The following FER1L6 variants were observed in gnomAD, a reference collection of about 807,000 sequenced individuals.
FER1L6 encodes fer-1-like protein 6.
A neutral mutation model predicts 219.2 loss-of-function variants in FER1L6; 177 were observed. That is an observed-to-expected ratio of 0.81 (90% CI 0.71 to 0.91). The LOEUF (loss-of-function observed/expected upper bound fraction) is 0.91, where lower values mean the gene tolerates loss of function less well. Ranked by LOEUF, FER1L6 falls within the 40% of genes least tolerant of loss-of-function variation. The probability of loss-of-function intolerance (pLI) is 0.00; values close to 1 mark genes in which losing one functional copy is unlikely to be tolerated. For missense variants in FER1L6, 2,153 were observed against 2,259.9 expected (o/e 0.95, Z 0.96); for synonymous variants, 768 against 824.3 (o/e 0.93, Z 1.17).
intron 1 of FER1L6, among the ~76,000 whole-genome samples, chr8:123,946,542 C>T (rs533371060): frequency 6.6e-5 from 10 of 152,324 alleles, no homozygotes; most frequent in African/African-American, 9.6e-5. Context: ...GTGTGAGCCA[C>T]GGTGCCCGGG....
At chr8:124,062,633 G>A (rs926086840) in intron 25 of FER1L6, among the ~76,000 whole-genome samples, 5 of 151,792 alleles carry the variant, frequency 3.3e-5, no homozygotes, top group South Asian at 4.2e-4. Flanking sequence ...ACTATTACTC[G>A]CTGCATCTAC....
intron 5 of FER1L6, among the ~76,000 whole-genome samples, chr8:123,968,770 T>C (rs1307865714): frequency 2.0e-5 from 3 of 152,242 alleles, no homozygotes; most frequent in African/African-American, 7.2e-5. Context: ...TGAGGATCTC[T>C]TATAATGTAT....
intron 16 of FER1L6, among the ~76,000 whole-genome samples, chr8:124,018,585 C>T (rs899687961): frequency 6.6e-6 from 1 of 152,192 alleles, no homozygotes; most frequent in South Asian, 2.1e-4. Flanking sequence ...GCTATCTCTG[C>T]AGCTTCCCTC....
At chr8:123,994,028 T>G (rs1816998778) in intron 12 of FER1L6, among the ~76,000 whole-genome samples, 1 of 152,360 alleles carries the variant, frequency 6.6e-6, no homozygotes, top group African/African-American at 2.4e-5. Flanking sequence ...GTTAAGGCCA[T>G]GCACAAGTTT....
chr8:123,937,095 G>A (rs1260890618), intron 1 of FER1L6, among the ~76,000 whole-genome samples: 2 of 151,998 alleles, frequency 1.3e-5, no homozygotes, highest in African/African-American at 2.4e-5. Context: ...TAGTAGAGGC[G>A]GGGTTTCACC....
At chr8:124,090,894 A>C (rs1405087016) in intron 33 of FER1L6, among the ~76,000 whole-genome samples, 3 of 152,194 alleles carry the variant, frequency 2.0e-5, no homozygotes, top group Non-Finnish European at 4.4e-5. Flanking sequence ...GAAACTTGGA[A>C]TAAGCAGCAG....
chr8:124,115,927 TATA>T (rs1341265518), intron 39 of FER1L6, among the ~76,000 whole-genome samples: 1 of 152,224 alleles, frequency 6.6e-6, no homozygotes, highest in African/African-American at 2.4e-5. Context: ...CATGCTATGC[TATA>T]ATATTAAGCT....
intron 1 of FER1L6, among the ~76,000 whole-genome samples, chr8:123,854,018 T>C (rs1447444628): frequency 6.6e-6 from 1 of 152,268 alleles, no homozygotes; most frequent in Non-Finnish European, 1.5e-5. Context: ...TGCTGGCCCT[T>C]CAGTAAAGGC....
intron 12 of FER1L6, among the ~76,000 whole-genome samples, chr8:124,002,956 T>C (rs940471130): frequency 2.6e-5 from 4 of 152,166 alleles, no homozygotes; most frequent in African/African-American, 9.7e-5. Flanking sequence ...TTGTCATTTG[T>C]GTAGTTATTA....
At chr8:123,873,544 TTCTC>T (rs1218010294) in intron 1 of FER1L6, among the ~76,000 whole-genome samples, 1 of 151,518 alleles carries the variant, frequency 6.6e-6, no homozygotes, top group African/African-American at 2.4e-5. Context: ...CTTTAAGCCA[TTCTC>T]TCTCTCTCTC....
rs751637934 is a variant in FER1L6, at chr8:123,977,537, A to G, written c.991A>G (p.Met331Val). 5 of 1,614,158 alleles carry G rather than the reference A, an allele frequency of 3.1e-6. No individual in the cohort carries two copies. The Admixed American group carries it at 8.3e-5, about 27-fold the overall frequency. Reference protein sequence around the residue: ...VKIQVWDEGSMNDVALATHFI... With the variant: ...VKIQVWDEGSVNDVALATHFI... ...AATCCAGGTGTGGGATGAAGGCAGCATGAATGACGTAGCCCTGGCAACCCA... is the reference window on the plus strand; with the variant it reads ...AATCCAGGTGTGGGATGAAGGCAGCGTGAATGACGTAGCCCTGGCAACCCA... The change falls in exon 10 of 41, where the codon ATG (methionine) becomes GTG (valine). Residue 331 changes from methionine (M) to valine (V), a missense_variant. Met to Val is a conservative substitution (Grantham distance 21, BLOSUM62 1). Coordinates refer to ENST00000522917, the MANE Select transcript of FER1L6 (RefSeq NM_001039112.2).
intron 1 of FER1L6, among the ~76,000 whole-genome samples, chr8:123,908,700 G>A (rs1273242140): frequency 2.0e-5 from 3 of 152,328 alleles, no homozygotes; most frequent in Non-Finnish European, 4.4e-5. Context: ...ACCTAGTGGA[G>A]GAGATAGACT....
rs376154841 is a variant in FER1L6, at chr8:124,023,516, G to A, written c.2206G>A (p.Ala736Thr). The change falls in exon 18 of 41, where the codon GCC becomes ACC. Residue 736 changes from alanine to threonine, a missense_variant. Physicochemically the swap from Ala to Thr is moderately conservative, Grantham distance 58 (BLOSUM62 0). Transcript: ENST00000522917. ...NNRRVAYARI[A>T]SKDLLYSPVA... The stretch of plus-strand genomic sequence containing the variant: ...CAGGAGAGTGGCCTATGCCCGCATC[G>A]CCTCCAAAGACCTCCTCTATTCCCC... The A allele has an allele frequency of 5.4e-5, 87 of 1,614,020 alleles. No individual in the cohort carries two copies. The Middle Eastern group carries it at 6.6e-4, about 12-fold the overall frequency.
At chr8:123,968,954 C>A (rs1016893096) in intron 5 of FER1L6, among the ~76,000 whole-genome samples, 1 of 152,190 alleles carries the variant, frequency 6.6e-6, no homozygotes, top group Non-Finnish European at 1.5e-5. Context: ...CCCAGGCCTG[C>A]CTTCCTGGTC....
At chr8:123,865,623 A>C (rs932869068) in intron 1 of FER1L6, among the ~76,000 whole-genome samples, 8 of 151,238 alleles carry the variant, frequency 5.3e-5, no homozygotes, top group Admixed American at 3.3e-4. Flanking sequence ...CTGTGCTAGC[A>C]ATCAGCGAGA....
chr8:123,999,738 A>G (rs1300063009), intron 12 of FER1L6, among the ~76,000 whole-genome samples: 1 of 152,072 alleles, frequency 6.6e-6, no homozygotes, highest in East Asian at 1.9e-4. Flanking sequence ...GGATCTTACA[A>G]CTCTGTGTGG....
In FER1L6 at chr8:123,880,271, G is replaced by A. The variant is rs542062530; in HGVS notation, c.-8+28086G>A. ...ATCGACCAACAGACAGACCAACCGA[G>A]CCTTCTTCTAACTCCCACTGTATTT... On this transcript the variant is annotated intron_variant, in intron 1 of 40. Transcript: ENST00000522917. Among the ~76,000 whole-genome samples the A allele has an allele frequency of 3.3e-5, 5 of 152,112 alleles. No individual in the cohort carries two copies. In the South Asian group the frequency reaches 1.0e-3, roughly 32 times the overall value.
In FER1L6 at chr8:124,076,096, C is replaced by G. The variant is rs1236806298; in HGVS notation, c.4093-102C>G. 11 of 1,441,490 alleles carry G rather than the reference C, an allele frequency of 7.6e-6. No individual in the cohort carries two copies. In the Admixed American group the frequency reaches 2.1e-4, roughly 27 times the overall value. 89.3% of individuals were successfully genotyped at this position (1,441,490 alleles called of 1,614,324 possible). A position where few individuals can be genotyped will look rare whatever the true frequency, so the allele number is the denominator to read the frequency against. ...CCCGTTAAATCAGACTATCTAGAGACAGAAGTCAGGCATTAGCATTTTTGA... is the reference window on the plus strand; with the variant it reads ...CCCGTTAAATCAGACTATCTAGAGAGAGAAGTCAGGCATTAGCATTTTTGA... On this transcript the variant is annotated intron_variant, in intron 31 of 40. Coordinates refer to ENST00000522917, the MANE Select transcript of FER1L6 (RefSeq NM_001039112.2).
At chr8:123,908,936 C>T (rs1357072917) in intron 1 of FER1L6, among the ~76,000 whole-genome samples, 1 of 152,170 alleles carries the variant, frequency 6.6e-6, no homozygotes, top group Admixed American at 6.6e-5. Flanking sequence ...TCAAGCGTAT[C>T]ACTATTATGA....
Sources: gnomAD v4.1 joint callset for allele counts (sites outside exome capture counted in the v4.1 genomes callset) on GRCh38, gnomAD v4.1.1 for gene constraint, MANE v1.5 for transcripts, NCBI Gene and HGNC (gene_info 2026-07-23, HGNC 2026-07-21) for gene names.